The following PCDH9 variants were observed in gnomAD, a reference collection of about 807,000 sequenced individuals.
PCDH9 encodes protocadherin 9, also known as protocadherin-9.
In PCDH9, 24 loss-of-function variants were observed where a neutral mutation model predicts 70.6. The ratio of observed to expected loss-of-function variants is 0.34; its 90% CI spans 0.25 to 0.48. The LOEUF is 0.48. Ranked by LOEUF, PCDH9 falls within the 20% of genes least tolerant of loss-of-function variation. The pLI is 0.99. For missense variants in PCDH9, 1,281 were observed against 1,503.6 expected (o/e 0.85, Z 2.45); for synonymous variants, 562 against 558.5 (o/e 1.01, Z -0.09).
intron 3 of PCDH9, among the ~76,000 whole-genome samples, chr13:66,890,767 T>G (rs79457815): frequency 0.015 from 2,299 of 152,198 alleles, 59 homozygotes; most frequent in African/African-American, 0.053. Context: ...GCTTAAAAAC[T>G]CTCCTGCCTT....
At chr13:66,702,835 A>G (rs1260941324) in intron 3 of PCDH9, among the ~76,000 whole-genome samples, 1 of 152,186 alleles carries the variant, frequency 6.6e-6, no homozygotes, top group Non-Finnish European at 1.5e-5. Context: ...TTTAAGGGAG[A>G]ACAAAAATTT....
chr13:66,663,173 G>A (rs796899487), intron 3 of PCDH9, among the ~76,000 whole-genome samples: 1 of 152,104 alleles, frequency 6.6e-6, no homozygotes, highest in South Asian at 2.1e-4. Flanking sequence ...ACTGGCTTAT[G>A]ATATTTCACA....
At position 66,428,245 on chromosome 13, in the gene PCDH9, A is replaced by G. The variant is rs61957608; in HGVS notation, c.3341-123217T>C. The stretch of plus-strand genomic sequence containing the variant: ...AACCAAATGCATAAAAGATACAAAC[A>G]AACATCCCAATCAATGAATCCAACA... On this transcript the variant is annotated intron_variant, in intron 4 of 4. Transcript: ENST00000377865. 2.1e-3 allele frequency among the ~76,000 whole-genome samples: 312 copies of G among 151,894 alleles called. 1 individual carries two copies. The highest frequency in any genetic ancestry group is 3.7e-3 in the Non-Finnish European group (248 of 67,764).
chr13:66,303,683 A>T lies in PCDH9; in HGVS notation c.*972T>A, dbSNP rs1955409608. ...AGTGACAAGTACAGGATATTATATC[A>T]CTTTTGATGGATAACAGTTTTCCAT... On this transcript the variant is annotated 3_prime_UTR_variant, in exon 5 of 5. Transcript: ENST00000377865. 6.6e-6 allele frequency: 1 copy of T among 152,454 alleles called. No homozygotes were observed. The highest frequency in any genetic ancestry group is 6.6e-5 in the Admixed American group (1 of 15,224). The allele number at this position is 152,454 out of a possible 1,614,324, so 9.4% of individuals were successfully genotyped here.
intron 2 of PCDH9, among the ~76,000 whole-genome samples, chr13:67,080,641 T>C (rs376518604): frequency 1.2e-4 from 18 of 152,346 alleles, no homozygotes; most frequent in South Asian, 1.0e-3. Context: ...TAAAGTGTAT[T>C]AGCAAATCAA....
At chr13:66,456,332 G>C (rs1388704173) in intron 4 of PCDH9, among the ~76,000 whole-genome samples, 1 of 152,096 alleles carries the variant, frequency 6.6e-6, no homozygotes, top group African/African-American at 2.4e-5. Flanking sequence ...TGCAATCATA[G>C]CTCACTATAA....
chr13:66,368,506 C>G (rs1271710355), intron 4 of PCDH9, among the ~76,000 whole-genome samples: 2 of 151,162 alleles, frequency 1.3e-5, no homozygotes, highest in African/African-American at 2.4e-5. Flanking sequence ...GAACCAGTTT[C>G]TGAAAAAAAA....
chr13:66,734,907 A>C (rs1352422891), intron 3 of PCDH9, among the ~76,000 whole-genome samples: 1 of 152,186 alleles, frequency 6.6e-6, no homozygotes, highest in Non-Finnish European at 1.5e-5. Flanking sequence ...ACTACTACCG[A>C]ACGCAGTTGG....
At chr13:66,426,264 G>A (rs1411784163) in intron 4 of PCDH9, among the ~76,000 whole-genome samples, 1 of 151,204 alleles carries the variant, frequency 6.6e-6, no homozygotes. Context: ...TAGAACTAAT[G>A]AATGGTAGTA....
At chr13:67,202,043 G>C (rs1170563720) in intron 2 of PCDH9, 1 of 151,822 alleles carries the variant, frequency 6.6e-6, no homozygotes, top group African/African-American at 2.4e-5. Context: ...AAATAAAATG[G>C]AATATAAATT....
chr13:66,688,240 G>C (rs2139077145), intron 3 of PCDH9, among the ~76,000 whole-genome samples: 1 of 152,130 alleles, frequency 6.6e-6, no homozygotes, highest in Non-Finnish European at 1.5e-5. Flanking sequence ...AATGCCTTAA[G>C]CAACTGCCTT....
chr13:67,130,527 G>T (rs1020736431), intron 2 of PCDH9, among the ~76,000 whole-genome samples: 2 of 151,942 alleles, frequency 1.3e-5, no homozygotes, highest in African/African-American at 2.4e-5. Flanking sequence ...TTTCACAGGG[G>T]TTCGGGCCAT....
intron 3 of PCDH9, among the ~76,000 whole-genome samples, chr13:66,817,451 A>G (rs2080627992): frequency 6.6e-6 from 1 of 152,156 alleles, no homozygotes; most frequent in Non-Finnish European, 1.5e-5. Context: ...AGCATGTCTT[A>G]CAATACTCAT....
At chr13:67,010,762 T>C (rs1166648629) in intron 2 of PCDH9, among the ~76,000 whole-genome samples, 1 of 152,010 alleles carries the variant, frequency 6.6e-6, no homozygotes, top group Non-Finnish European at 1.5e-5. Flanking sequence ...GGACCTTTAC[T>C]ATTAATAATT....
At chr13:66,491,499 T>C (rs934870455) in intron 4 of PCDH9, among the ~76,000 whole-genome samples, 2 of 151,704 alleles carry the variant, frequency 1.3e-5, no homozygotes, top group East Asian at 1.9e-4. Context: ...AAATATCCCA[T>C]ATTAGAGCGT....
chr13:67,055,640 C>CAA (rs56786070), intron 2 of PCDH9, among the ~76,000 whole-genome samples: 76 of 149,078 alleles, frequency 5.1e-4, no homozygotes, highest in South Asian at 8.5e-4. Flanking sequence ...GACTGCATCT[C>CAA]AAAAAAAAAA....
chr13:66,782,795 G>A (rs576929683), intron 3 of PCDH9: 1 of 152,178 alleles, frequency 6.6e-6, no homozygotes, highest in Admixed American at 6.5e-5. Flanking sequence ...AAGGGAGTGT[G>A]CCCTGTAAGA....
chr13:67,184,407 T>C (rs1177727107), intron 2 of PCDH9, among the ~76,000 whole-genome samples: 1 of 152,070 alleles, frequency 6.6e-6, no homozygotes, highest in East Asian at 1.9e-4. Context: ...CAGATCTCTG[T>C]GAATTTATGG....
intron 2 of PCDH9, among the ~76,000 whole-genome samples, chr13:66,988,348 A>T (rs147869093): frequency 2.7e-4 from 41 of 152,124 alleles, no homozygotes; most frequent in Middle Eastern, 3.4e-3. Flanking sequence ...CACTTTTGGC[A>T]TGTTTGCCAG....
Sources: gnomAD v4.1 joint callset for allele counts (sites outside exome capture counted in the v4.1 genomes callset) on GRCh38, gnomAD v4.1.1 for gene constraint, MANE v1.5 for transcripts, NCBI Gene and HGNC (gene_info 2026-07-23, HGNC 2026-07-21) for gene names.